Variants in SNTG2 observed in about 807,000 individuals in gnomAD.
The protein encoded by SNTG2 is syntrophin gamma 2, also known as gamma-2-syntrophin.
Under a neutral mutation model 70.9 loss-of-function variants are expected in SNTG2, and 74 were observed. That is an observed-to-expected ratio of 1.04 (90% CI 0.86 to 1.27). SNTG2 has a LOEUF of 1.27. SNTG2 is among the 50% of genes most tolerant of loss of function. SNTG2 has a pLI of 0.00. For synonymous variants in SNTG2, 278 were observed against 273.8 expected (o/e 1.02, Z -0.15); for missense variants, 717 against 690.7 (o/e 1.04, Z -0.43).
At chr2:1,169,838 A>G (rs1017616001) in intron 7 of SNTG2, among the ~76,000 whole-genome samples, 37 of 152,308 alleles carry the variant, frequency 2.4e-4, no homozygotes, top group African/African-American at 7.0e-4. Flanking sequence ...CACAGAGGCC[A>G]GGGGTGCTGA....
intron 1 of SNTG2, among the ~76,000 whole-genome samples, chr2:993,221 C>G (rs1168750148): frequency 1.6e-5 from 2 of 126,182 alleles, no homozygotes; most frequent in Non-Finnish European, 3.3e-5. Context: ...GCTATCCCTC[C>G]CCCCTCCCCC....
intron 9 of SNTG2, among the ~76,000 whole-genome samples, chr2:1,209,889 T>C (rs1673922623): frequency 6.6e-6 from 1 of 152,016 alleles, no homozygotes; most frequent in Non-Finnish European, 1.5e-5. Flanking sequence ...GGAATTTTTT[T>C]TAATTGAGCA....
At chr2:1,340,221 T>A (rs1374188797) in intron 16 of SNTG2, among the ~76,000 whole-genome samples, 1 of 152,220 alleles carries the variant, frequency 6.6e-6, no homozygotes, top group African/African-American at 2.4e-5. Context: ...AGACTGTGAA[T>A]TTGGAGAAGT....
At chr2:1,057,101 G>C (rs1171604436) in intron 1 of SNTG2, among the ~76,000 whole-genome samples, 2 of 152,016 alleles carry the variant, frequency 1.3e-5, no homozygotes, top group Non-Finnish European at 2.9e-5. Context: ...CTTGGGAGCT[G>C]GGGCCAGGCC....
rs1660348719 is a variant in SNTG2 at position 1,024,150 on chromosome 2, C to T, written c.73-59368C>T. Among the ~76,000 whole-genome samples, 3 of 151,950 alleles carry T rather than the reference C, an allele frequency of 2.0e-5. No individual in the cohort carries two copies. In the South Asian group the frequency reaches 6.2e-4, roughly 32 times the overall value. Reference sequence around the variant, plus strand: ...GGGAAGCTTCGTGGCACCACAGGGGCCTCCCAGATTCAATCCGTGGGCCAC... The same window carrying T: ...GGGAAGCTTCGTGGCACCACAGGGGTCTCCCAGATTCAATCCGTGGGCCAC... On this transcript the variant is annotated intron_variant, in intron 1 of 16. Coordinates refer to ENST00000308624, the MANE Select transcript of SNTG2 (RefSeq NM_018968.4).
At chr2:1,226,906 T>G (rs568961117) in intron 9 of SNTG2, among the ~76,000 whole-genome samples, 9 of 152,346 alleles carry the variant, frequency 5.9e-5, no homozygotes, top group South Asian at 2.1e-4. Flanking sequence ...TAAAATGTGT[T>G]TGTTTTTTCA....
At chr2:962,588 A>G (rs1210611054) in intron 1 of SNTG2, among the ~76,000 whole-genome samples, 2 of 152,256 alleles carry the variant, frequency 1.3e-5, no homozygotes, top group African/African-American at 2.4e-5. Context: ...TATCCATGGT[A>G]CAAATAGAAT....
At chr2:978,547 T>C (rs1253497817) in intron 1 of SNTG2, among the ~76,000 whole-genome samples, 1 of 152,146 alleles carries the variant, frequency 6.6e-6, no homozygotes, top group Non-Finnish European at 1.5e-5. Context: ...TCTCCGCTTA[T>C]CAAGTAATAA....
intron 14 of SNTG2, among the ~76,000 whole-genome samples, chr2:1,272,731 TGC>T (rs1679100091): frequency 8.4e-6 from 1 of 118,722 alleles, no homozygotes; most frequent in Non-Finnish European, 1.8e-5. Flanking sequence ...AGGGAGCGGG[TGC>T]AGAAAGGACA....
intron 1 of SNTG2, among the ~76,000 whole-genome samples, chr2:971,836 C>T (rs986375831): frequency 2.6e-5 from 4 of 151,694 alleles, no homozygotes; most frequent in Non-Finnish European, 2.9e-5. Flanking sequence ...TAGGTGTGTT[C>T]CAGAGATTCT....
chr2:1,135,044 T>C (rs1196220920), intron 4 of SNTG2, among the ~76,000 whole-genome samples: 11 of 152,122 alleles, frequency 7.2e-5, no homozygotes, highest in African/African-American at 2.4e-4. Context: ...TGCAAAAAAG[T>C]CTGGGTCCAG....
chr2:1,319,315 C>G (rs374111441), intron 16 of SNTG2, among the ~76,000 whole-genome samples: 1 of 152,100 alleles, frequency 6.6e-6, no homozygotes, highest in Non-Finnish European at 1.5e-5. Flanking sequence ...ATACCAGATT[C>G]GTAGGACTTG....
At chr2:1,063,216 G>A (rs1662936593) in intron 1 of SNTG2, among the ~76,000 whole-genome samples, 1 of 152,072 alleles carries the variant, frequency 6.6e-6, no homozygotes, top group Admixed American at 6.5e-5. Flanking sequence ...ACCCTTCCTA[G>A]AGGAGCAGAT....
intron 11 of SNTG2, among the ~76,000 whole-genome samples, chr2:1,244,368 G>A (rs1442932254): frequency 6.6e-6 from 1 of 152,008 alleles, no homozygotes; most frequent in East Asian, 1.9e-4. Context: ...TAAATATGGG[G>A]TCAAACCAGA....
At chr2:1,238,641 T>A (rs1276573734) in intron 10 of SNTG2, among the ~76,000 whole-genome samples, 1 of 152,194 alleles carries the variant, frequency 6.6e-6, no homozygotes, top group Non-Finnish European at 1.5e-5. Flanking sequence ...GTGCCTGGAC[T>A]CGGACATGGA....
intron 1 of SNTG2, among the ~76,000 whole-genome samples, chr2:1,069,789 C>CA (rs1008577433): frequency 3.2e-4 from 49 of 151,356 alleles, no homozygotes; most frequent in African/African-American, 6.8e-4. Flanking sequence ...GACTCCGTCT[C>CA]AAAAAAAATA....
intron 16 of SNTG2, 146 bp from the exon 17 acceptor site, chr2:1,367,197 A>G (rs1661533755): frequency 1.4e-6 from 1 of 737,010 alleles, no homozygotes. Flanking sequence ...TCTGCCTTTT[A>G]CTTTAAACCA....
intron 15 of SNTG2, among the ~76,000 whole-genome samples, chr2:1,315,311 A>G (rs992527099): frequency 6.6e-6 from 1 of 152,258 alleles, no homozygotes; most frequent in African/African-American, 2.4e-5. Context: ...TCTTGAGGCT[A>G]GCGTGTGGGC....
chr2:1,103,350 C>A, intron 4 of SNTG2: 1 of 269,510 alleles, frequency 3.7e-6, no homozygotes, highest in Non-Finnish European at 7.6e-6. Context: ...AATTCATTAA[C>A]CTTTCAAATA....
Sources: allele counts gnomAD v4.1 joint callset (sites outside exome capture counted in the v4.1 genomes callset), GRCh38; gene constraint gnomAD v4.1.1; transcripts MANE v1.5; gene names NCBI Gene and HGNC (gene_info 2026-07-23, HGNC 2026-07-21).